Variants in DAB1 observed in about 807,000 individuals in gnomAD.
The protein encoded by DAB1 is DAB adaptor protein 1, also known as disabled homolog 1.
A neutral mutation model predicts 64.6 loss-of-function variants in DAB1; 15 were observed. The observed-to-expected ratio is 0.23, with a 90% CI of 0.16 to 0.36. The LOEUF (loss-of-function observed/expected upper bound fraction) is 0.36. Among genes scored for constraint, DAB1 ranks in the 10% least tolerant of loss-of-function variants. The pLI is 1.00. For synonymous variants in DAB1, 235 were observed against 251.9 expected, an observed-to-expected ratio of 0.93 and a Z score of 0.64; for missense variants, 596 against 706.7, an observed-to-expected ratio of 0.84 and a Z score of 1.78.
Position 57,553,424 on chromosome 1 carries a change from A to AAGAGAG in DAB1, n.625+96167_625+96168insCTCTCT, listed in dbSNP as rs1296903640. 2.5e-4 allele frequency among the ~76,000 whole-genome samples: 4 copies of AAGAGAG among 16,310 alleles called. 1 individual carries two copies. Among genetic ancestry groups the AAGAGAG allele is most frequent in the African/African-American group, 3.3e-4 (4 of 12,136 alleles). 10.7% of individuals were successfully genotyped at this position (16,310 alleles called of 152,430 possible). A position where few individuals can be genotyped will look rare whatever the true frequency, so the allele number is the denominator to read the frequency against. Reference sequence around the variant, plus strand: ...AAAGAAAGAAAGAAAGAAAGAAAGAAAGAAAGAAAGAAAGAAAGAGAAAGA... The same window carrying AAGAGAG: ...AAAGAAAGAAAGAAAGAAAGAAAGAAAGAGAGAGAAAGAAAGAAAGAAAGAGAAAGA... On this transcript the variant is annotated intron_variant and non_coding_transcript_variant, in intron 7 of 20. Coordinates refer to the DAB1 transcript ENST00000485760.
At chr1:57,449,469 C>T (rs939122564) in intron 7 of DAB1, among the ~76,000 whole-genome samples, 1 of 150,488 alleles carries the variant, frequency 6.6e-6, no homozygotes, top group African/African-American at 2.4e-5. Flanking sequence ...CAGCCTCAAA[C>T]TCTAGGGCTT....
At chr1:57,637,059 G>C (rs773994473) in intron 7 of DAB1, among the ~76,000 whole-genome samples, 10 of 152,020 alleles carry the variant, frequency 6.6e-5, no homozygotes, top group South Asian at 2.1e-4. Context: ...TTTTTTTATA[G>C]CAATCTCACA....
chr1:58,338,953 T>C (rs1273633316), intron 4 of DAB1, among the ~76,000 whole-genome samples: 3 of 152,146 alleles, frequency 2.0e-5, no homozygotes, highest in Non-Finnish European at 2.9e-5. Context: ...ATATCCAGAA[T>C]AGGTAAATCT....
chr1:58,509,212 G>A (rs1022977785), intron 2 of DAB1, among the ~76,000 whole-genome samples: 1 of 152,044 alleles, frequency 6.6e-6, no homozygotes, highest in Non-Finnish European at 1.5e-5. Context: ...TTCAGAAACT[G>A]ACCCTAATGA....
chr1:57,875,489 G>A (rs553546280), intron 1 of DAB1, among the ~76,000 whole-genome samples: 1 of 152,066 alleles, frequency 6.6e-6, no homozygotes, highest in Non-Finnish European at 1.5e-5. Flanking sequence ...GATACCTTCT[G>A]GGAGTCCTTC....
chr1:57,801,197 G>A (rs1445532414), intron 6 of DAB1, among the ~76,000 whole-genome samples: 2 of 152,204 alleles, frequency 1.3e-5, no homozygotes, highest in African/African-American at 4.8e-5. Flanking sequence ...TGTAAGTAAA[G>A]GAGTGAGCAA....
intron 6 of DAB1, among the ~76,000 whole-genome samples, chr1:57,654,553 G>A (rs1646293627): frequency 6.6e-6 from 1 of 151,906 alleles, no homozygotes; most frequent in African/African-American, 2.4e-5. Flanking sequence ...CTCTTATGTG[G>A]GTATATATGT....
intron 4 of DAB1, among the ~76,000 whole-genome samples, chr1:58,255,448 CT>C (rs56786623): frequency 6.6e-6 from 1 of 151,950 alleles, no homozygotes; most frequent in Non-Finnish European, 1.5e-5. Context: ...CTCTCTCTCT[CT>C]CTCCTTCTAT....
At chr1:57,427,751 T>C (rs544686547), upstream of DAB1, among the ~76,000 whole-genome samples, 1 of 152,342 alleles carries the variant, frequency 6.6e-6, no homozygotes, top group East Asian at 1.9e-4. Flanking sequence ...ATATTTAAGA[T>C]GTACAAGATG....
chr1:58,101,688 T>G (rs919954548), intron 5 of DAB1, among the ~76,000 whole-genome samples: 1 of 152,234 alleles, frequency 6.6e-6, no homozygotes, highest in Admixed American at 6.5e-5. Context: ...GCCAGTCACT[T>G]TTCTTCTATG....
intron 7 of DAB1, among the ~76,000 whole-genome samples, chr1:57,570,700 A>G (rs189248761): frequency 2.0e-5 from 3 of 152,190 alleles, no homozygotes; most frequent in Admixed American, 2.0e-4. Flanking sequence ...CACCCCTTCA[A>G]ACAACTAGGA....
chr1:57,615,990 G>C (rs1191516523), intron 7 of DAB1, among the ~76,000 whole-genome samples: 4 of 152,140 alleles, frequency 2.6e-5, no homozygotes, highest in Non-Finnish European at 4.4e-5. Flanking sequence ...GAATAGTAAG[G>C]GTACTAACTG....
chr1:58,295,979 G>C (rs547167505), intron 4 of DAB1, among the ~76,000 whole-genome samples: 1 of 151,328 alleles, frequency 6.6e-6, no homozygotes, highest in Non-Finnish European at 1.5e-5. Flanking sequence ...TATAGTCCCA[G>C]CTACTCAGGA....
intron 2 of DAB1, among the ~76,000 whole-genome samples, chr1:58,509,594 A>ATATT (rs1293103528): frequency 6.8e-6 from 1 of 146,046 alleles, no homozygotes; most frequent in African/African-American, 2.4e-5. Flanking sequence ...AAGATCTACC[A>ATATT]AAAAAGAAAA....
intron 6 of DAB1, among the ~76,000 whole-genome samples, chr1:57,654,608 T>C (rs1206633411): frequency 1.3e-5 from 2 of 152,226 alleles, no homozygotes; most frequent in African/African-American, 4.8e-5. Context: ...AAATGACATA[T>C]TAAACTTCTA....
At chr1:57,161,353 T>A (rs532160295) in intron 2 of DAB1, among the ~76,000 whole-genome samples, 33 of 152,210 alleles carry the variant, frequency 2.2e-4, no homozygotes, top group Non-Finnish European at 3.7e-4. Context: ...CCAAGGCAAC[T>A]CAAAGTCCCC....
intron 5 of DAB1, among the ~76,000 whole-genome samples, chr1:58,076,246 T>A (rs1413862607): frequency 6.6e-6 from 1 of 152,122 alleles, no homozygotes; most frequent in African/African-American, 2.4e-5. Context: ...TATCACAAGC[T>A]CCATTTTATA....
intron 4 of DAB1, among the ~76,000 whole-genome samples, chr1:58,185,132 C>A (rs1657002450): frequency 1.3e-5 from 2 of 152,150 alleles, no homozygotes; most frequent in Non-Finnish European, 2.9e-5. Flanking sequence ...ATAAGTGAAA[C>A]CACTACTAGT....
At chr1:57,839,526 T>C (rs1652959277) in intron 1 of DAB1, among the ~76,000 whole-genome samples, 1 of 152,276 alleles carries the variant, frequency 6.6e-6, no homozygotes, top group Admixed American at 6.5e-5. Flanking sequence ...ATTTGCAATA[T>C]ATTATTAGTT....
Sources: gnomAD v4.1 joint callset for allele counts (sites outside exome capture counted in the v4.1 genomes callset) on GRCh38, gnomAD v4.1.1 for gene constraint, MANE v1.5 for transcripts, NCBI Gene and HGNC (gene_info 2026-07-23, HGNC 2026-07-21) for gene names.